ZNF670: variants seen among roughly 807,000 people sequenced by gnomAD.
ZNF670 encodes zinc finger protein 670.
A neutral mutation model predicts 10.9 loss-of-function variants in ZNF670; 7 were observed. That is an observed-to-expected ratio of 0.64 (90% CI 0.36 to 1.20). The LOEUF (loss-of-function observed/expected upper bound fraction) is 1.20, where lower values mean the gene tolerates loss of function less well. Among genes scored for constraint, ZNF670 ranks in the 50% most tolerant of loss-of-function variants. The pLI, the probability that ZNF670 is intolerant of heterozygous loss-of-function variation, is 0.02. For missense variants in ZNF670, 446 were observed against 458.6 expected (o/e 0.97, Z 0.25); for synonymous variants, 136 against 152.7 (o/e 0.89, Z 0.81).
chr1:247,035,132 GGTA>G lies in ZNF670; in HGVS notation c.*2314_*2316del, dbSNP rs1670118113. On this transcript the variant is annotated 3_prime_UTR_variant, in exon 4 of 4. Coordinates refer to ENST00000366503, the MANE Select transcript of ZNF670 (RefSeq NM_033213.5). ...TTATGGAACCAGTTAGACAAAAGCA[GGTA>G]GTTAAAGCTGAAAAGATATCATCAG... Among the ~76,000 whole-genome samples the G allele has an allele frequency of 6.6e-6, 1 of 152,218 alleles. No individual in the cohort carries two copies. Among genetic ancestry groups the G allele is most frequent in the African/African-American group, 2.4e-5 (1 of 41,458 alleles).
At position 247,051,949 on chromosome 1, in the gene ZNF670, T is replaced by C. The variant is rs143496332; in HGVS notation, c.4-12412A>G. On this transcript the variant is annotated intron_variant, in intron 1 of 3. Coordinates refer to ENST00000366503, the MANE Select transcript of ZNF670 (RefSeq NM_033213.5). ...TTCCAGAAGTTGTGATTGTTTTTTA[T>C]TGATGATATGTGTTTGGAGATTTTT... Among the ~76,000 whole-genome samples the C allele has an allele frequency of 3.5e-3, 537 of 152,152 alleles. 14 individuals are homozygous for C. The highest frequency in any genetic ancestry group is 0.03 in the Admixed American group (453 of 15,302).
chr1:247,078,730 C>G lies in ZNF670; in HGVS notation c.-134G>C, dbSNP rs3806269. On this transcript the variant is annotated 5_prime_UTR_variant, in exon 1 of 4. Coordinates refer to ENST00000366503, the MANE Select transcript of ZNF670 (RefSeq NM_033213.5). Reference sequence around the variant, plus strand: ...GAAGGAGCAGCGGAGACGCACCGAGCTCGCCACATTCGCGCTGCCCAACAC... The same window carrying G: ...GAAGGAGCAGCGGAGACGCACCGAGGTCGCCACATTCGCGCTGCCCAACAC... The G allele has an allele frequency of 2.1e-6, 2 of 938,734 alleles. No individual in the cohort carries two copies. The highest frequency in any genetic ancestry group is 1.7e-5 in the African/African-American group (1 of 59,348). The allele number at this position is 938,734 out of a possible 1,614,324, so 58.2% of individuals were successfully genotyped here.
intron 1 of ZNF670, among the ~76,000 whole-genome samples, chr1:247,047,040 C>T (rs1436733674): frequency 1.3e-5 from 2 of 152,180 alleles, no homozygotes; most frequent in African/African-American, 4.8e-5. Context: ...AAGAAGTGGA[C>T]TCTCATGGCC....
chr1:247,074,165 A>T (rs1558348963), intron 1 of ZNF670, among the ~76,000 whole-genome samples: 2 of 151,498 alleles, frequency 1.3e-5, no homozygotes, highest in Non-Finnish European at 2.9e-5. Context: ...AGACAGCGTA[A>T]TTTTTTTTTC....
intron 1 of ZNF670, among the ~76,000 whole-genome samples, chr1:247,054,171 G>C (rs1448254606): frequency 6.6e-6 from 1 of 152,178 alleles, no homozygotes; most frequent in Non-Finnish European, 1.5e-5. Context: ...TGGAATTTGA[G>C]TTCTAGCGGG....
chr1:247,070,189 T>C (rs748728689), intron 1 of ZNF670, among the ~76,000 whole-genome samples: 1 of 152,062 alleles, frequency 6.6e-6, no homozygotes, highest in Non-Finnish European at 1.5e-5. Context: ...GACTTAAATG[T>C]GGCCAGGCAT....
At position 247,078,730 on chromosome 1, in the gene ZNF670, C is replaced by T. The variant is rs3806269; in HGVS notation, c.-134G>A. On this transcript the variant is annotated 5_prime_UTR_variant, in exon 1 of 4. Transcript: ENST00000366503. ...GAAGGAGCAGCGGAGACGCACCGAG[C>T]TCGCCACATTCGCGCTGCCCAACAC... The T allele has an allele frequency of 0.18, 167,683 of 938,820 alleles. 15,731 individuals are homozygous for T. The highest frequency in any genetic ancestry group is 0.23 in the South Asian group (14,568 of 62,614). 58.2% of individuals were successfully genotyped at this position (938,820 alleles called of 1,614,324 possible).
At chr1:247,053,326 C>T (rs1208344960) in intron 1 of ZNF670, among the ~76,000 whole-genome samples, 1 of 152,150 alleles carries the variant, frequency 6.6e-6, no homozygotes. Context: ...AAAGTTCATG[C>T]TCAGTTGAAA....
chr1:247,041,401 C>A (rs1372688941), intron 1 of ZNF670, among the ~76,000 whole-genome samples: 2 of 152,046 alleles, frequency 1.3e-5, no homozygotes, highest in African/African-American at 4.8e-5. Flanking sequence ...GCAAAGCATA[C>A]TTAAAAGAAG....
At chr1:247,076,272 T>C (rs1671250341) in intron 1 of ZNF670, among the ~76,000 whole-genome samples, 1 of 151,958 alleles carries the variant, frequency 6.6e-6, no homozygotes, top group Admixed American at 6.6e-5. Flanking sequence ...TTTTTTTTTT[T>C]TTGGGACGGA....
intron 1 of ZNF670, among the ~76,000 whole-genome samples, chr1:247,075,590 G>A (rs994942609): frequency 1.3e-5 from 2 of 152,106 alleles, no homozygotes; most frequent in African/African-American, 2.4e-5. Flanking sequence ...TAGCGAATAC[G>A]TTTCATGAGA....
intron 1 of ZNF670, chr1:247,044,126 G>A (rs1411573015): frequency 6.5e-6 from 1 of 154,410 alleles, no homozygotes; most frequent in Non-Finnish European, 1.5e-5. Context: ...CTATGTATGT[G>A]TCTTAATGCT....
intron 1 of ZNF670, among the ~76,000 whole-genome samples, chr1:247,068,960 G>A (rs1671055096): frequency 6.7e-6 from 1 of 150,332 alleles, no homozygotes; most frequent in African/African-American, 2.5e-5. Context: ...TCACTTATCT[G>A]TGGGATATAA....
intron 1 of ZNF670, among the ~76,000 whole-genome samples, chr1:247,058,200 A>G (rs1188295634): frequency 6.6e-6 from 1 of 152,234 alleles, no homozygotes; most frequent in Non-Finnish European, 1.5e-5. Context: ...CATAATTGGA[A>G]TTAAACTAGA....
At chr1:247,067,382 A>G in intron 1 of ZNF670, among the ~76,000 whole-genome samples, 1 of 147,198 alleles carries the variant, frequency 6.8e-6, no homozygotes, top group East Asian at 2.0e-4. Context: ...GTTGCAGCAA[A>G]CCAAGATCAT....
chr1:247,039,069 T>C (rs1467662124), intron 2 of ZNF670, among the ~76,000 whole-genome samples, 199 bp from the exon 3 acceptor site: 1 of 150,194 alleles, frequency 6.7e-6, no homozygotes, highest in East Asian at 1.9e-4. Flanking sequence ...TCTTTTTTTT[T>C]TTTTTTTGAG....
Position 247,037,738 on chromosome 1 carries a change from C to T in ZNF670, c.881G>A (p.Arg294Lys), listed in dbSNP as rs775463462. The T allele has an allele frequency of 6.2e-7, 1 of 1,613,954 alleles. No homozygotes were observed. Among genetic ancestry groups the T allele is most frequent in the East Asian group, 2.2e-5 (1 of 44,862 alleles). The stretch of plus-strand genomic sequence containing the variant: ...AGTCCTTTCATGGACTCTGAGGACT[C>T]TGGAACATCTAAAGGCTTTGCCACA... ...IKCGKAFRCSRVLRVHERTHS... is the reference protein window; with the variant it reads ...IKCGKAFRCSKVLRVHERTHS... The change falls in exon 4 of 4, where the codon AGA becomes AAA. Residue 294 changes from arginine to lysine, a missense_variant. Physicochemically the swap from Arg to Lys is conservative, Grantham distance 26 (BLOSUM62 2). Coordinates refer to ENST00000366503, the MANE Select transcript of ZNF670 (RefSeq NM_033213.5).
intron 1 of ZNF670, among the ~76,000 whole-genome samples, chr1:247,060,587 A>T (rs1670834746): frequency 6.6e-6 from 1 of 152,250 alleles, no homozygotes; most frequent in East Asian, 1.9e-4. Context: ...AACATAATCC[A>T]TGAATGAGAG....
rs370003936 is a variant in ZNF670 at position 247,073,168 on chromosome 1, A to G, written c.3+5426T>C. ...CAATTTATTCCAAGAATTATCTACG[A>G]TTTTTTCAGGTCATATCACCCAATT... On this transcript the variant is annotated intron_variant, in intron 1 of 3. Transcript: ENST00000366503. Among the ~76,000 whole-genome samples the G allele has an allele frequency of 8.5e-5, 13 of 152,198 alleles. No individual in the cohort carries two copies. The East Asian group carries it at 2.3e-3, about 27-fold the overall frequency.
Sources: gnomAD v4.1 joint callset for allele counts (sites outside exome capture counted in the v4.1 genomes callset) on GRCh38, gnomAD v4.1.1 for gene constraint, MANE v1.5 for transcripts, NCBI Gene and HGNC (gene_info 2026-07-23, HGNC 2026-07-21) for gene names.